The following LRRK2 variants were observed in gnomAD, a reference collection of about 807,000 sequenced individuals.
LRRK2 encodes leucine rich repeat kinase 2, also known as leucine-rich repeat serine/threonine-protein kinase 2.
In LRRK2, 203 loss-of-function variants were observed where a neutral mutation model predicts 302.6. The observed-to-expected ratio is 0.67, with a 90% CI of 0.60 to 0.75. The LOEUF is 0.75. Among genes scored for constraint, LRRK2 ranks in the 30% least tolerant of loss-of-function variants. The pLI is 0.00. For synonymous variants in LRRK2, 1,066 were observed against 1,031.9 expected, an observed-to-expected ratio of 1.03 and a Z score of -0.63; for missense variants, 2,830 against 2,951.0, an observed-to-expected ratio of 0.96 and a Z score of 0.95.
chr12:40,292,862 T>G (rs778105811), intron 20 of LRRK2, among the ~76,000 whole-genome samples: 19 of 152,042 alleles, frequency 1.2e-4, no homozygotes, highest in Non-Finnish European at 1.0e-4. Flanking sequence ...ATTTTGAAAG[T>G]ACTGCCTTTT....
At position 40,314,222 on chromosome 12, in the gene LRRK2, TAA is replaced by T. The variant is rs752627422; in HGVS notation, c.4738+52_4738+53del. 2.6e-6 allele frequency: 4 copies of T among 1,539,624 alleles called. No homozygotes were observed. In the Admixed American group the frequency reaches 6.8e-5, roughly 26 times the overall value. On this transcript the variant is annotated intron_variant, in intron 32 of 50. Transcript: ENST00000298910. ...TTCAAAGCTCAGCTGTAGTAACTTATAAAAGTGTTTCTGAATCTTTTATAGAA... is the reference window on the plus strand; with the variant it reads ...TTCAAAGCTCAGCTGTAGTAACTTATAAGTGTTTCTGAATCTTTTATAGAA...
chr12:40,228,292 T>A (rs908458347), intron 2 of LRRK2, among the ~76,000 whole-genome samples: 27 of 152,168 alleles, frequency 1.8e-4, no homozygotes, highest in African/African-American at 5.8e-4. Flanking sequence ...TGTGGTGAGA[T>A]AATATCTCAT....
chr12:40,259,723 ATCTT>A (rs1942686018), intron 13 of LRRK2, 119 bp downstream of exon 13: 1 of 1,328,962 alleles, frequency 7.5e-7, no homozygotes, highest in Admixed American at 1.9e-5. Flanking sequence ...CTAAATGTAA[ATCTT>A]TCTGTTAAAC....
At chr12:40,279,894 T>G (rs2136635167) in intron 18 of LRRK2, among the ~76,000 whole-genome samples, 1 of 152,346 alleles carries the variant, frequency 6.6e-6, no homozygotes, top group Admixed American at 6.5e-5. Context: ...TGGATGAGTT[T>G]GTCGTATGTA....
chr12:40,293,894 C>T (rs1944261774), intron 21 of LRRK2, among the ~76,000 whole-genome samples: 4 of 70,552 alleles, frequency 5.7e-5, no homozygotes, highest in South Asian at 6.1e-4. Flanking sequence ...TTTTTTGGGG[C>T]ACATATATAT....
intron 28 of LRRK2, among the ~76,000 whole-genome samples, chr12:40,307,695 T>C (rs1440524303): frequency 6.6e-6 from 1 of 151,910 alleles, no homozygotes; most frequent in Non-Finnish European, 1.5e-5. Flanking sequence ...ACAGTATACA[T>C]ATATCTCTAC....
chr12:40,287,286 C>A, intron 19 of LRRK2, 65 bp from the exon 20 acceptor site: 2 of 1,445,868 alleles, frequency 1.4e-6, no homozygotes, highest in Non-Finnish European at 9.6e-7. Flanking sequence ...GAACTTTGGT[C>A]CTATGTATGT....
intron 31 of LRRK2, among the ~76,000 whole-genome samples, chr12:40,311,196 C>G (rs1267198720): frequency 1.3e-5 from 2 of 152,038 alleles, no homozygotes; most frequent in East Asian, 3.9e-4. Flanking sequence ...ATGAAGACCA[C>G]TAACTTGGTT....
chr12:40,298,792 TATATATAATATATG>T (rs1944486156), intron 24 of LRRK2, among the ~76,000 whole-genome samples: 1 of 116,514 alleles, frequency 8.6e-6, no homozygotes, highest in African/African-American at 3.2e-5. Context: ...TATATATATA[TATATATAATATATG>T]TATTATAATA....
At chr12:40,345,634 A>G (rs11832444) in intron 41 of LRRK2, among the ~76,000 whole-genome samples, 4 of 148,702 alleles carry the variant, frequency 2.7e-5, no homozygotes, top group East Asian at 2.0e-4. Flanking sequence ...AAAAAAAAAA[A>G]AAAAAAAAAA....
chr12:40,311,986 C>A (rs901388675), intron 31 of LRRK2, among the ~76,000 whole-genome samples: 1 of 151,014 alleles, frequency 6.6e-6, no homozygotes, highest in African/African-American at 2.4e-5. Context: ...TGAGACTATA[C>A]CCATACTTCA....
chr12:40,308,197 C>T lies in LRRK2; in HGVS notation c.3960-270C>T, dbSNP rs28365225. Among the ~76,000 whole-genome samples the T allele has an allele frequency of 1.5e-3, 223 of 152,140 alleles. 6 individuals carry two copies. The East Asian group carries it at 0.04, about 28-fold the overall frequency. On this transcript the variant is annotated intron_variant, in intron 28 of 50. Transcript: ENST00000298910. Reference sequence around the variant, plus strand: ...GCATATCGTATTCTAATTAGTATTGCAAACATATTTTGGCCTTTTGATTAT... The same window carrying T: ...GCATATCGTATTCTAATTAGTATTGTAAACATATTTTGGCCTTTTGATTAT...
chr12:40,280,140 A>G (rs1943625249), intron 18 of LRRK2, among the ~76,000 whole-genome samples: 1 of 152,226 alleles, frequency 6.6e-6, no homozygotes, highest in Non-Finnish European at 1.5e-5. Context: ...TGGAAAAAGT[A>G]TAGTGAAGTC....
intron 43 of LRRK2, among the ~76,000 whole-genome samples, chr12:40,349,642 CT>C (rs1302521863): frequency 1.3e-5 from 2 of 152,128 alleles, no homozygotes; most frequent in African/African-American, 4.8e-5. Flanking sequence ...TCGCCTCAGT[CT>C]CCATCAGCCA....
chr12:40,278,279 C>T lies in LRRK2; in HGVS notation c.2241+18C>T, dbSNP rs759077545. 6.2e-7 allele frequency: 1 copy of T among 1,613,946 alleles called. No homozygotes were observed. The highest frequency in any genetic ancestry group is 1.7e-5 in the Admixed American group (1 of 60,020). On this transcript the variant is annotated intron_variant, in intron 18 of 50. Coordinates refer to ENST00000298910, the MANE Select transcript of LRRK2 (RefSeq NM_198578.4). ...TTTGTCAGGTAAATATTCAAGGCCT[C>T]ACTTTTGTCTTTGCTCAGTATTCTT...
Position 40,313,975 on chromosome 12 carries a change from C to T in LRRK2, c.4540C>T (p.Arg1514Ter), listed in dbSNP as rs758648533. 13 of 1,609,712 alleles carry T rather than the reference C, an allele frequency of 8.1e-6. No homozygotes were observed. The highest frequency in any genetic ancestry group is 1.3e-5 in the African/African-American group (1 of 74,624). ...CTTGTCATTTGTAATTTCATAGATCCGAGATCAGCTTGTTGTTGGACAGCT... is the reference window on the plus strand; with the variant it reads ...CTTGTCATTTGTAATTTCATAGATCTGAGATCAGCTTGTTGTTGGACAGCT... Reference protein sequence around the residue: ...IINESLNFKIRDQLVVGQLIP... With the variant: ...IINESLNFKI Residue 1514 changes from arginine (R) to a stop codon, truncating the protein, a stop_gained, in exon 32 of 51, where the codon CGA (arginine) becomes TGA (stop). Coordinates refer to ENST00000298910, the MANE Select transcript of LRRK2 (RefSeq NM_198578.4). LOFTEE classifies it high-confidence loss of function.
intron 12 of LRRK2, among the ~76,000 whole-genome samples, chr12:40,258,152 A>T (rs1008963641): frequency 2.0e-5 from 3 of 152,156 alleles, no homozygotes; most frequent in East Asian, 3.8e-4. Context: ...AAATAAATTA[A>T]TTTTTACAAA....
intron 2 of LRRK2, among the ~76,000 whole-genome samples, chr12:40,231,576 C>CA (rs71078231): frequency 0.45 from 47,562 of 105,566 alleles, 9,749 homozygotes; most frequent in Non-Finnish European, 0.51. Context: ...AAAACAAAAC[C>CA]AAAAAAAAAA....
intron 3 of LRRK2, among the ~76,000 whole-genome samples, chr12:40,233,180 G>T (rs1941283529): frequency 1.3e-5 from 2 of 152,104 alleles, no homozygotes; most frequent in South Asian, 4.1e-4. Context: ...TTGCACCACT[G>T]CACTCCAGCC....
Sources: gnomAD v4.1 joint callset for allele counts (sites outside exome capture counted in the v4.1 genomes callset) on GRCh38, gnomAD v4.1.1 for gene constraint, MANE v1.5 for transcripts, NCBI Gene and HGNC (gene_info 2026-07-23, HGNC 2026-07-21) for gene names.